Variants in PARD3 observed in about 807,000 individuals in gnomAD.
PARD3 encodes the protein partitioning defective 3 homolog.
PARD3 carries 75 observed loss-of-function variants against 155.4 expected under a neutral mutation model. The ratio of observed to expected loss-of-function variants is 0.48; its 90% CI spans 0.40 to 0.58. The LOEUF (loss-of-function observed/expected upper bound fraction) is 0.58. Among genes scored for constraint, PARD3 ranks in the 20% least tolerant of loss-of-function variants. PARD3 has a pLI of 0.00. For missense variants in PARD3, 1,642 were observed against 1,721.7 expected, an observed-to-expected ratio of 0.95 and a Z score of 0.82; for synonymous variants, 576 against 610.5, an observed-to-expected ratio of 0.94 and a Z score of 0.83.
chr10:34,543,100 C>CTT (rs35082383), intron 2 of PARD3, among the ~76,000 whole-genome samples: 53 of 148,304 alleles, frequency 3.6e-4, no homozygotes, highest in Non-Finnish European at 5.2e-4. Flanking sequence ...TTTTTAAAGG[C>CTT]TTTTTTTTTT....
intron 17 of PARD3, among the ~76,000 whole-genome samples, chr10:34,336,725 C>T (rs757947824): frequency 6.6e-6 from 1 of 151,916 alleles, no homozygotes; most frequent in African/African-American, 2.4e-5. Context: ...CTCTCATTTG[C>T]TCCTAAATAC....
At chr10:34,610,870 G>A (rs1311886417) in intron 2 of PARD3, among the ~76,000 whole-genome samples, 1 of 152,124 alleles carries the variant, frequency 6.6e-6, no homozygotes, top group Non-Finnish European at 1.5e-5. Context: ...ACCTATTTAT[G>A]TCTGTAAAGG....
chr10:34,395,297 A>C (rs1247535282), intron 7 of PARD3, among the ~76,000 whole-genome samples: 1 of 152,150 alleles, frequency 6.6e-6, no homozygotes, highest in African/African-American at 2.4e-5. Flanking sequence ...GACCTCCCAA[A>C]GTGCTAGGAT....
At chr10:34,187,555 G>C (rs589369) in intron 22 of PARD3, among the ~76,000 whole-genome samples, 33,247 of 152,128 alleles carry the variant, frequency 0.22, 3,791 homozygotes, top group Middle Eastern at 0.34. Context: ...CAAATTCCAT[G>C]CTAGAAAGCC....
At chr10:34,566,742 A>C (rs1419833927) in intron 2 of PARD3, among the ~76,000 whole-genome samples, 1 of 152,234 alleles carries the variant, frequency 6.6e-6, no homozygotes, top group East Asian at 1.9e-4. Context: ...ATACTGACTA[A>C]ATAAATTAAC....
chr10:34,700,510 T>G (rs1167355099), intron 1 of PARD3, among the ~76,000 whole-genome samples: 2 of 152,198 alleles, frequency 1.3e-5, no homozygotes, highest in African/African-American at 4.8e-5. Context: ...ACCCTACTTT[T>G]TCATTAACCA....
chr10:34,786,266 A>G (rs1033982293), intron 1 of PARD3, among the ~76,000 whole-genome samples: 1 of 152,194 alleles, frequency 6.6e-6, no homozygotes, highest in Non-Finnish European at 1.5e-5. Context: ...TCCCATCCCA[A>G]TGTCAGAGTT....
intron 2 of PARD3, among the ~76,000 whole-genome samples, chr10:34,663,161 C>T (rs2093366537): frequency 1.3e-5 from 2 of 152,096 alleles, no homozygotes; most frequent in South Asian, 4.2e-4. Context: ...TTTCATTGTA[C>T]ATTTAAAATA....
chr10:34,529,112 C>A (rs1474783208), intron 2 of PARD3, among the ~76,000 whole-genome samples: 1 of 152,150 alleles, frequency 6.6e-6, no homozygotes, highest in African/African-American at 2.4e-5. Context: ...TCCTGGGACA[C>A]AACTGGAGAT....
chr10:34,772,857 CAAGA>C (rs1839070286), intron 1 of PARD3, among the ~76,000 whole-genome samples: 1 of 149,328 alleles, frequency 6.7e-6, no homozygotes, highest in Admixed American at 6.7e-5. Context: ...CTCAACGGAG[CAAGA>C]AAGCCTGTAA....
At chr10:34,743,909 T>G (rs994501701) in intron 1 of PARD3, among the ~76,000 whole-genome samples, 2 of 152,058 alleles carry the variant, frequency 1.3e-5, no homozygotes, top group African/African-American at 2.4e-5. Flanking sequence ...CTGCCATATA[T>G]AGCAGTGCTG....
chr10:34,781,430 A>C (rs1840223800), intron 1 of PARD3, among the ~76,000 whole-genome samples: 1 of 152,188 alleles, frequency 6.6e-6, no homozygotes, highest in Non-Finnish European at 1.5e-5. Flanking sequence ...GAGCATAATA[A>C]AGAGGTCTGC....
intron 5 of PARD3, among the ~76,000 whole-genome samples, chr10:34,404,247 GT>G (rs1326825134): frequency 6.6e-6 from 1 of 152,170 alleles, no homozygotes; most frequent in Non-Finnish European, 1.5e-5. Flanking sequence ...TTATTCTGTT[GT>G]CTGGTACTTT....
chr10:34,197,515 G>A (rs1305177326), intron 22 of PARD3, among the ~76,000 whole-genome samples: 1 of 152,158 alleles, frequency 6.6e-6, no homozygotes, highest in African/African-American at 2.4e-5. Flanking sequence ...CTTCAACAAT[G>A]TAGACATCAT....
Position 34,154,343 on chromosome 10 carries a change from C to T in PARD3, c.3420-22760G>A, listed in dbSNP as rs560061821. The stretch of plus-strand genomic sequence containing the variant: ...GTTGGGCAAATACAAGTGAGACCCT[C>T]TCCTCCATCCATGAGTTTGAATGAA... On this transcript the variant is annotated intron_variant, in intron 22 of 24. Transcript: ENST00000374788. Among the ~76,000 whole-genome samples, 16 of 152,282 alleles carry T rather than the reference C, an allele frequency of 1.1e-4. 2 individuals carry two copies. Among genetic ancestry groups the T allele is most frequent in the African/African-American group, 3.9e-4 (16 of 41,558 alleles).
chr10:34,345,791 G>C (rs991928889), intron 15 of PARD3: 2 of 985,312 alleles, frequency 2.0e-6, no homozygotes, highest in Non-Finnish European at 2.4e-6. Context: ...GTCTTGAACA[G>C]GATTTCTAAC....
chr10:34,244,958 T>C (rs147328146), intron 22 of PARD3, among the ~76,000 whole-genome samples: 1 of 152,296 alleles, frequency 6.6e-6, no homozygotes, highest in East Asian at 1.9e-4. Context: ...GCCCTATGTA[T>C]GAGACTGTTT....
chr10:34,769,123 G>C lies in PARD3; in HGVS notation c.120+45753C>G, dbSNP rs75076673. 3.5e-3 allele frequency among the ~76,000 whole-genome samples: 529 copies of C among 152,258 alleles called. 3 individuals carry two copies. The highest frequency in any genetic ancestry group is 0.011 in the African/African-American group (471 of 41,540). ...AAACCTTCACCCTCCACATAAACAA[G>C]GTGGCCCCTTCTGCCCCAAGTCATG... On this transcript the variant is annotated intron_variant, in intron 1 of 24. Transcript: ENST00000374788.
At chr10:34,152,029 T>G (rs1425746686) in intron 22 of PARD3, among the ~76,000 whole-genome samples, 1 of 152,190 alleles carries the variant, frequency 6.6e-6, no homozygotes, top group Non-Finnish European at 1.5e-5. Context: ...TTGCCTTTTC[T>G]TAAAAGACCA....
Sources: allele counts gnomAD v4.1 joint callset (sites outside exome capture counted in the v4.1 genomes callset), GRCh38; gene constraint gnomAD v4.1.1; transcripts MANE v1.5; gene names NCBI Gene and HGNC (gene_info 2026-07-23, HGNC 2026-07-21).